Variants in HGS observed in about 807,000 individuals in gnomAD.
HGS encodes the protein hepatocyte growth factor-regulated tyrosine kinase substrate, also known as human growth factor-regulated tyrosine kinase substrate.
Under a neutral mutation model 109.7 loss-of-function variants are expected in HGS, and 63 were observed. The ratio of observed to expected loss-of-function variants is 0.57; its 90% confidence interval spans 0.47 to 0.71. HGS has a LOEUF of 0.71. HGS is among the 30% of genes least tolerant of loss of function. HGS has a pLI of 0.00. For synonymous variants in HGS, 546 were observed against 437.3 expected, an observed-to-expected ratio of 1.25 and a Z score of -3.10; for missense variants, 995 against 1,068.3, an observed-to-expected ratio of 0.93 and a Z score of 0.96.
In HGS at chr17:81,700,525, C is replaced by A. The variant is rs774489852; in HGVS notation, c.1941C>A (p.Ala647=). 13 of 1,608,494 alleles carry A rather than the reference C, an allele frequency of 8.1e-6. No homozygotes were observed. Among genetic ancestry groups the A allele is most frequent in the Non-Finnish European group, 1.0e-5 (12 of 1,177,442 alleles). The change falls in exon 19 of 22, where the codon GCC becomes GCA. Residue 647 remains alanine (A), a synonymous_variant. Transcript: ENST00000329138. The part of the protein sequence containing the change: ...YPAGATGAQA[A]PQAQAGPTAS... ...CAGGGGCCACTGGGGCGCAGGCGGC[C>A]CCCCAGGCCCAGGCCGGACCCACCG...
At chr17:81,690,620 C>T (rs1366503904) in intron 6 of HGS, 54 bp from the exon 7 acceptor site, 9 of 1,556,788 alleles carry the variant, frequency 5.8e-6, no homozygotes, top group African/African-American at 1.4e-5. Context: ...GGCTCTGTGC[C>T]TCTGGGGCTG....
At chr17:81,684,638 G>T (rs1169602750) in intron 1 of HGS, among the ~76,000 whole-genome samples, 1 of 152,172 alleles carries the variant, frequency 6.6e-6, no homozygotes, top group Non-Finnish European at 1.5e-5. Flanking sequence ...GTTTTCTCAC[G>T]TTTTTGGAGG....
At chr17:81,685,127 C>CT in intron 1 of HGS, 1 of 948,040 alleles carries the variant, frequency 1.1e-6, no homozygotes, top group Non-Finnish European at 1.3e-6. Context: ...AAGCACTTGG[C>CT]TTGGAGCAAG....
At chr17:81,694,728 A>G in intron 11 of HGS, 87 bp from the exon 12 acceptor site, 1 of 1,550,430 alleles carries the variant, frequency 6.4e-7, no homozygotes, top group South Asian at 1.1e-5. Flanking sequence ...TCTGGTCTCC[A>G]GGATCTGTCG....
chr17:81,684,186 C>G, intron 1 of HGS, 83 bp downstream of exon 1: 1 of 1,228,764 alleles, frequency 8.1e-7, no homozygotes, highest in Non-Finnish European at 1.1e-6. Flanking sequence ...CCCGAGGGCC[C>G]GAGGGGCGCG....
chr17:81,701,089 C>CCAGCAGCCCTACATCGCGGGG lies in HGS; in HGVS notation c.2191_2211dup (p.Tyr731_Pro737dup). 4 of 1,614,092 alleles carry CCAGCAGCCCTACATCGCGGGG rather than the reference C, an allele frequency of 2.5e-6. No homozygotes were observed. The highest frequency in any genetic ancestry group is 3.4e-6 in the Non-Finnish European group (4 of 1,180,040). ...CAAGCCAGGATGCGTCTCTGCCACC[C>CCAGCAGCCCTACATCGCGGGG]CAGCAGCCCTACATCGCGGGGCAGC... is the stretch of plus-strand genomic sequence containing the variant. On this transcript the variant is annotated inframe_insertion, in exon 21 of 22. Transcript: ENST00000329138.
rs2037064206 is a variant in HGS at position 81,691,587 on chromosome 17, C to G, written c.662+16C>G. 3 of 1,613,796 alleles carry G rather than the reference C, an allele frequency of 1.9e-6. No homozygotes were observed. Among genetic ancestry groups the G allele is most frequent in the East Asian group, 4.5e-5 (2 of 44,842 alleles). The stretch of plus-strand genomic sequence containing the variant: ...AGCTGAACAGGTGAGTCCCCGCCCC[C>G]CATTTGGGCTGCAGGTGGGGCAGGC... On this transcript the variant is annotated intron_variant, in intron 8 of 21. Coordinates refer to ENST00000329138, the MANE Select transcript of HGS (RefSeq NM_004712.5). This position sits in a 1 kb window ranked among gnomAD's most constrained non-coding sequence, Gnocchi z 5.3.
chr17:81,684,279 T>G (rs1420919020), intron 1 of HGS, 176 bp downstream of exon 1: 7 of 492,316 alleles, frequency 1.4e-5, no homozygotes, highest in Non-Finnish European at 2.2e-5. Flanking sequence ...GGCGCGGCCG[T>G]GGGGTCGGCG....
intron 20 of HGS, 37 bp downstream of exon 20, chr17:81,700,851 G>T (rs200896905): frequency 3.8e-6 from 6 of 1,594,070 alleles, no homozygotes; most frequent in Admixed American, 1.7e-5. Flanking sequence ...GGGCCAGGGT[G>T]GGGGAGCAGT....
Position 81,696,542 on chromosome 17 carries a change from C to G in HGS, c.1566+13C>G, listed in dbSNP as rs753322631. ...GCAGAAGAAGCAGGTGCAGTGGCTG[C>G]CCAGCCACAGGCCGGGGCCGGCTGG... On this transcript the variant is annotated intron_variant, in intron 16 of 21. Transcript: ENST00000329138. 1.3e-6 allele frequency: 2 copies of G among 1,534,770 alleles called. No homozygotes were observed. The highest frequency in any genetic ancestry group is 1.2e-5 in the South Asian group (1 of 81,594).
In HGS at chr17:81,694,912, C is replaced by G. The variant is rs199787906; in HGVS notation, c.976-12C>G. 183 of 1,614,232 alleles carry G rather than the reference C, an allele frequency of 1.1e-4. No individual in the cohort carries two copies. In the African/African-American group the frequency reaches 2.2e-3, roughly 19 times the overall value. ...TTTCTGGCCTTGGGAGTGACCCCCT[C>G]ATTGCCTGCAGCTCGCACGGTATCT... On this transcript the variant is annotated splice_polypyrimidine_tract_variant and intron_variant, in intron 12 of 21. Transcript: ENST00000329138.
chr17:81,693,537 C>T lies in HGS; in HGVS notation c.697C>T (p.Leu233=). ...AEGKATSTTE[L]PPEYLTSPLS... ...GGGAAAGGCCACTTCCACCACTGAG[C>T]TGCCCCCCGAGTACCTGACCAGCCC... The change falls in exon 9 of 22, where the codon CTG becomes TTG. Residue 233 remains leucine (L), a synonymous_variant. Coordinates refer to ENST00000329138, the MANE Select transcript of HGS (RefSeq NM_004712.5). 3 of 1,613,218 alleles carry T rather than the reference C, an allele frequency of 1.9e-6. No homozygotes were observed. Among genetic ancestry groups the T allele is most frequent in the Middle Eastern group, 1.7e-4 (1 of 6,048 alleles).
intron 18 of HGS, among the ~76,000 whole-genome samples, chr17:81,699,731 CT>C (rs912470906): frequency 6.6e-6 from 1 of 151,768 alleles, no homozygotes; most frequent in Non-Finnish European, 1.5e-5. Context: ...GCCTATGTTC[CT>C]TTTTTTTAGA....
intron 4 of HGS, among the ~76,000 whole-genome samples, chr17:81,687,447 G>T (rs1191017438): frequency 1.3e-5 from 2 of 152,182 alleles, no homozygotes; most frequent in Admixed American, 1.3e-4. Flanking sequence ...GCAGGTGGTG[G>T]CTATCGTGTG....
chr17:81,695,357 G>T (rs2037129314), intron 14 of HGS, 134 bp downstream of exon 14: 1 of 936,264 alleles, frequency 1.1e-6, no homozygotes, highest in Admixed American at 2.2e-5. Flanking sequence ...GCCCAGCCCT[G>T]GCCTGCCCTG....
chr17:81,700,387 T>C, intron 18 of HGS, 80 bp from the exon 19 acceptor site: 2 of 1,210,652 alleles, frequency 1.7e-6, no homozygotes, highest in Non-Finnish European at 2.2e-6. Context: ...AAAAAAAAAG[T>C]AAAACTCAAG....
chr17:81,691,651 C>T lies in HGS; in HGVS notation c.662+80C>T. On this transcript the variant is annotated intron_variant, in intron 8 of 21. Transcript: ENST00000329138. This position sits in a 1 kb window ranked among gnomAD's most constrained non-coding sequence, Gnocchi z 5.3. ...TTTTCTGTCCCTCTTGGCCATGGTG[C>T]CTGAGGCCTGCAGACCCCAGAGGAC... is the stretch of plus-strand genomic sequence containing the variant. 1.9e-6 allele frequency: 3 copies of T among 1,569,464 alleles called. No individual in the cohort carries two copies. Among genetic ancestry groups the T allele is most frequent in the Non-Finnish European group, 2.6e-6 (3 of 1,146,748 alleles).
At chr17:81,687,223 C>G in intron 4 of HGS, 128 bp downstream of exon 4, 1 of 678,778 alleles carries the variant, frequency 1.5e-6, no homozygotes, top group Non-Finnish European at 2.6e-6. Context: ...GATCGGTGGT[C>G]CCTGCACTGC....
intron 8 of HGS, chr17:81,692,207 G>C (rs2037075095): frequency 6.5e-6 from 1 of 152,682 alleles, no homozygotes; most frequent in South Asian, 2.1e-4. Flanking sequence ...GGTCCCAGCA[G>C]CGTCGCTGTG....
Sources: allele counts gnomAD v4.1 joint callset (sites outside exome capture counted in the v4.1 genomes callset), GRCh38; gene constraint gnomAD v4.1.1; non-coding constraint Gnocchi (gnomAD v3.1); transcripts MANE v1.5; gene names NCBI Gene and HGNC (gene_info 2026-07-23, HGNC 2026-07-21).